PLCG2: variants seen among roughly 807,000 people sequenced by gnomAD.
PLCG2 encodes phospholipase C gamma 2, also known as 1-phosphatidylinositol 4,5-bisphosphate phosphodiesterase gamma-2.
A neutral mutation model predicts 175.6 loss-of-function variants in PLCG2; 69 were observed. The ratio of observed to expected loss-of-function variants is 0.39; its 90% confidence interval spans 0.32 to 0.48. PLCG2 has a LOEUF of 0.48. Ranked by LOEUF, PLCG2 falls within the 20% of genes least tolerant of loss-of-function variation. PLCG2 has a pLI of 0.91. For missense variants in PLCG2, 1,798 were observed against 1,650.9 expected, an observed-to-expected ratio of 1.09 and a Z score of -1.54; for synonymous variants, 827 against 624.0, an observed-to-expected ratio of 1.33 and a Z score of -4.85.
At chr16:81,827,801 G>A (rs891165935) in intron 2 of PLCG2, among the ~76,000 whole-genome samples, 2 of 151,982 alleles carry the variant, frequency 1.3e-5, no homozygotes, top group Middle Eastern at 3.2e-3. Flanking sequence ...AAAAAAAAGC[G>A]TTGACGCCGC....
chr16:81,801,497 C>T (rs373852417), intron 2 of PLCG2, among the ~76,000 whole-genome samples: 5 of 152,160 alleles, frequency 3.3e-5, no homozygotes, highest in African/African-American at 1.2e-4. Flanking sequence ...TTTCACTCAA[C>T]AGTACAGCAC....
intron 2 of PLCG2, among the ~76,000 whole-genome samples, chr16:81,815,806 A>C (rs978457375): frequency 2.0e-5 from 3 of 152,172 alleles, no homozygotes; most frequent in Non-Finnish European, 4.4e-5. Flanking sequence ...CACGCCTGTA[A>C]TCCCAGCACT....
chr16:81,889,147 C>T (rs374555323), intron 9 of PLCG2, 25 bp from the exon 10 acceptor site: 124 of 1,403,570 alleles, frequency 8.8e-5, no homozygotes, highest in Middle Eastern at 3.5e-4. Flanking sequence ...CTTTGCTGAT[C>T]TCTCGTTCTC....
chr16:81,768,552 GTTTTT>G (rs769292122), intron 2 of PLCG2, among the ~76,000 whole-genome samples: 5 of 105,422 alleles, frequency 4.7e-5, no homozygotes, highest in Non-Finnish European at 7.2e-5. Flanking sequence ...GTTATCCTCA[GTTTTT>G]TTTTTTTTTT....
At chr16:81,943,563 C>T (rs886655854) in intron 30 of PLCG2, among the ~76,000 whole-genome samples, 5 of 152,182 alleles carry the variant, frequency 3.3e-5, no homozygotes, top group Non-Finnish European at 7.3e-5. Flanking sequence ...CAAACCATAA[C>T]ATAGATTTCT....
chr16:81,773,938 C>G (rs1567455974), intron 2 of PLCG2, among the ~76,000 whole-genome samples: 1 of 151,968 alleles, frequency 6.6e-6, no homozygotes, highest in Non-Finnish European at 1.5e-5. Flanking sequence ...GCTGCTATAT[C>G]CCTGGAGCCT....
intron 2 of PLCG2, among the ~76,000 whole-genome samples, chr16:81,808,624 G>A (rs994354218): frequency 6.6e-6 from 1 of 152,216 alleles, no homozygotes. Flanking sequence ...CTCCTGAGTA[G>A]CTGGGACTAC....
intron 2 of PLCG2, among the ~76,000 whole-genome samples, chr16:81,759,545 G>A (rs1309983235): frequency 6.6e-6 from 1 of 152,110 alleles, no homozygotes; most frequent in Non-Finnish European, 1.5e-5. Context: ...TGCAAAGCCT[G>A]GCTCTTTCAG....
intron 31 of PLCG2, among the ~76,000 whole-genome samples, chr16:81,947,981 T>G (rs890696325): frequency 6.6e-6 from 1 of 152,172 alleles, no homozygotes; most frequent in African/African-American, 2.4e-5. Context: ...ACAGACGACT[T>G]TAAATGATTT....
At chr16:81,813,992 G>T (rs550853368) in intron 2 of PLCG2, among the ~76,000 whole-genome samples, 2 of 152,282 alleles carry the variant, frequency 1.3e-5, no homozygotes, top group Admixed American at 1.3e-4. Context: ...TGGAGACCAT[G>T]GTATTCAGGG....
At chr16:81,745,933 T>C (rs1480712091) in intron 1 of PLCG2, among the ~76,000 whole-genome samples, 2 of 152,222 alleles carry the variant, frequency 1.3e-5, no homozygotes, top group Admixed American at 6.5e-5. Flanking sequence ...TGACTCTCTG[T>C]AGGGGCGAGA....
rs1911781012 is a variant in PLCG2 at position 81,961,675 on chromosome 16, A to G, written c.*3677A>G. On this transcript the variant is annotated 3_prime_UTR_variant, in exon 33 of 33. Coordinates refer to ENST00000564138, the MANE Select transcript of PLCG2 (RefSeq NM_002661.5). The stretch of plus-strand genomic sequence containing the variant: ...TCCAGGTAAGACTGATCATAAAAAA[A>G]TGGCCCTGTTCATAAAATTTTTAAA... The G allele has an allele frequency of 4.7e-6, 1 of 213,050 alleles. No homozygotes were observed. Among genetic ancestry groups the G allele is most frequent in the Non-Finnish European group, 9.5e-6 (1 of 105,458 alleles). 13.2% of individuals were successfully genotyped at this position (213,050 alleles called of 1,614,324 possible). A position where few individuals can be genotyped will look rare whatever the true frequency, so the allele number is the denominator to read the frequency against.
chr16:81,795,003 T>C (rs1911403086), intron 2 of PLCG2, among the ~76,000 whole-genome samples: 1 of 152,186 alleles, frequency 6.6e-6, no homozygotes, highest in African/African-American at 2.4e-5. Flanking sequence ...TTTTCAAGAG[T>C]TGTCTTCTAT....
chr16:81,787,777 G>A (rs1196297269), intron 2 of PLCG2, among the ~76,000 whole-genome samples: 1 of 151,756 alleles, frequency 6.6e-6, no homozygotes, highest in Non-Finnish European at 1.5e-5. Context: ...ATTTAATTCT[G>A]TTTCTATAAA....
chr16:81,778,003 C>G (rs75452105), upstream of PLCG2, among the ~76,000 whole-genome samples: 1 of 71,884 alleles, frequency 1.4e-5, no homozygotes, highest in Non-Finnish European at 2.7e-5. Flanking sequence ...GGCAAGAGAG[C>G]AAGACTTTGT....
intron 2 of PLCG2, among the ~76,000 whole-genome samples, chr16:81,828,639 C>T (rs1905139698): frequency 6.6e-6 from 1 of 152,088 alleles, no homozygotes; most frequent in Non-Finnish European, 1.5e-5. Flanking sequence ...AGCAGAGGGT[C>T]TTGAGAAAAG....
intron 2 of PLCG2, among the ~76,000 whole-genome samples, chr16:81,809,375 T>A (rs373883712): frequency 6.6e-6 from 1 of 152,148 alleles, no homozygotes; most frequent in East Asian, 1.9e-4. Flanking sequence ...GTCAGGACAC[T>A]CCTGGCTTGT....
chr16:81,797,910 A>C (rs1323648182), intron 2 of PLCG2, among the ~76,000 whole-genome samples: 1 of 151,218 alleles, frequency 6.6e-6, no homozygotes, highest in African/African-American at 2.4e-5. Flanking sequence ...AGTTCACTGC[A>C]ACCTCTGCCT....
intron 14 of PLCG2, among the ~76,000 whole-genome samples, chr16:81,902,054 G>A (rs1029893700): frequency 4.6e-5 from 7 of 152,202 alleles, no homozygotes; most frequent in Admixed American, 6.5e-5. Context: ...CTCAGAGCAC[G>A]GGAAGTCCAA....
Sources: allele counts gnomAD v4.1 joint callset (sites outside exome capture counted in the v4.1 genomes callset), GRCh38; gene constraint gnomAD v4.1.1; transcripts MANE v1.5; gene names NCBI Gene and HGNC (gene_info 2026-07-23, HGNC 2026-07-21).